The following DHX16 variants were observed in gnomAD, a reference collection of about 807,000 sequenced individuals.
DHX16 encodes the protein DEAH-box helicase 16, also known as pre-mRNA-splicing factor ATP-dependent RNA helicase DHX16.
A neutral mutation model predicts 131.2 loss-of-function variants in DHX16; 81 were observed. The observed-to-expected ratio is 0.62, with a 90% confidence interval of 0.52 to 0.74. The LOEUF (loss-of-function observed/expected upper bound fraction) is 0.74. DHX16 is among the 30% of genes least tolerant of loss of function. DHX16 has a pLI of 0.00. For missense variants in DHX16, 980 were observed against 1,363.1 expected, an observed-to-expected ratio of 0.72 and a Z score of 4.43; for synonymous variants, 440 against 520.2, an observed-to-expected ratio of 0.85 and a Z score of 2.10.
At position 30,671,200 on chromosome 6, in the gene DHX16, GTTCTTC is replaced by G; in HGVS notation, c.276_281del (p.Glu92_Asn94delinsAsp). 6.2e-7 allele frequency: 1 copy of G among 1,612,954 alleles called. No homozygotes were observed. Among genetic ancestry groups the G allele is most frequent in the Non-Finnish European group, 8.5e-7 (1 of 1,180,010 alleles). On this transcript the variant is annotated inframe_deletion, in exon 2 of 20. Transcript: ENST00000376442. The stretch of plus-strand genomic sequence containing the variant: ...TGTCTTCCAGTAACCTATAAGATCG[GTTCTTC>G]TCCAGCAGGGCCCGGGCCTCTCGCT...
In DHX16 at chr6:30,665,278, C is replaced by G. The variant is rs145506836; in HGVS notation, c.922-4G>C. ...CTAGATCCACAGCTCGGGCTGGCTACAGAGAGAGGGGATATGTGAAGACTC... is the reference window on the plus strand; with the variant it reads ...CTAGATCCACAGCTCGGGCTGGCTAGAGAGAGAGGGGATATGTGAAGACTC... On this transcript the variant is annotated splice_polypyrimidine_tract_variant and splice_region_variant and intron_variant, in intron 5 of 19. Coordinates refer to ENST00000376442, the MANE Select transcript of DHX16 (RefSeq NM_003587.5). The surrounding 1 kb of genome is among the most constrained non-coding windows in gnomAD (Gnocchi z 4.8). The G allele has an allele frequency of 3.7e-6, 6 of 1,601,668 alleles. No individual in the cohort carries two copies. Among genetic ancestry groups the G allele is most frequent in the East Asian group, 2.2e-5 (1 of 44,862 alleles).
chr6:30,655,621 G>A lies in DHX16; in HGVS notation c.2499-24C>T, dbSNP rs953731909. 4 of 1,612,638 alleles carry A rather than the reference G, an allele frequency of 2.5e-6. No individual in the cohort carries two copies. The African/African-American group carries it at 4.0e-5, about 16-fold the overall frequency. On this transcript the variant is annotated intron_variant, in intron 16 of 19. Transcript: ENST00000376442. ...ACCTGGGACAGGAAGGGGAAAGCATGAGTTCAAAGCAAGACACATAGGAAC... is the reference window on the plus strand; with the variant it reads ...ACCTGGGACAGGAAGGGGAAAGCATAAGTTCAAAGCAAGACACATAGGAAC...
intron 4 of DHX16, among the ~76,000 whole-genome samples, chr6:30,669,622 T>C (rs763956856): frequency 1.3e-5 from 2 of 150,218 alleles, no homozygotes; most frequent in Non-Finnish European, 3.0e-5. Context: ...CCAGGCGTGG[T>C]GGTGTGCGCC....
At chr6:30,659,984 C>A in intron 10 of DHX16, 48 bp downstream of exon 10, 1 of 1,596,378 alleles carries the variant, frequency 6.3e-7, no homozygotes, top group Non-Finnish European at 8.6e-7. Context: ...CTCCAAAGGC[C>A]TCAGCTTTTC....
At position 30,664,726 on chromosome 6, in the gene DHX16, G is replaced by C. The variant is rs1468280127; in HGVS notation, c.1317+75C>G. On this transcript the variant is annotated intron_variant, in intron 7 of 19. Coordinates refer to ENST00000376442, the MANE Select transcript of DHX16 (RefSeq NM_003587.5). ...GGTAAGTGACTACTAAAAATATAAT[G>C]TAAAAGGAGCTCTGACAGGAATGAG... 2.2e-6 allele frequency: 3 copies of C among 1,351,692 alleles called. No homozygotes were observed. In the Admixed American group the frequency reaches 6.4e-5, roughly 29 times the overall value. 83.7% of individuals were successfully genotyped at this position (1,351,692 alleles called of 1,614,324 possible).
At chr6:30,663,612 T>G (rs929602923) in intron 7 of DHX16, among the ~76,000 whole-genome samples, 11 of 151,454 alleles carry the variant, frequency 7.3e-5, no homozygotes, top group African/African-American at 2.7e-4. Flanking sequence ...TTCCAGCTAC[T>G]TGGGAGGCTG....
chr6:30,659,313 A>G (rs1044991633), intron 12 of DHX16, among the ~76,000 whole-genome samples, 159 bp downstream of exon 12: 1 of 152,206 alleles, frequency 6.6e-6, no homozygotes, highest in Non-Finnish European at 1.5e-5. Flanking sequence ...GGTTCACACC[A>G]TATTTCTCCT....
chr6:30,655,345 A>G lies in DHX16; in HGVS notation c.2662-9T>C, dbSNP rs751738827. ...TAACCACTCTCAGCCCACTGGGAAG[A>G]CAGTTAAAAAGAAAGGAGAGATAAT... On this transcript the variant is annotated splice_polypyrimidine_tract_variant and intron_variant, in intron 17 of 19. Transcript: ENST00000376442. The G allele has an allele frequency of 7.4e-6, 12 of 1,614,036 alleles. No homozygotes were observed. Among genetic ancestry groups the G allele is most frequent in the Non-Finnish European group, 9.3e-6 (11 of 1,179,876 alleles).
chr6:30,659,059 G>A, intron 12 of DHX16, among the ~76,000 whole-genome samples: 1 of 152,032 alleles, frequency 6.6e-6, no homozygotes, highest in East Asian at 1.9e-4. Context: ...GCTGATTTTT[G>A]TATTTTCAGT....
At position 30,672,901 on chromosome 6, in the gene DHX16, G is replaced by A. The variant is rs1769717670; in HGVS notation, c.-60C>T. 5.0e-6 allele frequency: 8 copies of A among 1,600,266 alleles called. No homozygotes were observed. In the South Asian group the frequency reaches 6.7e-5, roughly 13 times the overall value. ...GTCGGGCAGCCGCGCTCACTGCTGG[G>A]CCGGTCAGAGGCCTGGAGCCCTCGG... On this transcript the variant is annotated 5_prime_UTR_variant, in exon 1 of 20. Transcript: ENST00000376442.
Position 30,672,805 on chromosome 6 carries a change from C to T in DHX16, c.37G>A (p.Asp13Asn). 2.5e-6 allele frequency: 4 copies of T among 1,613,012 alleles called. No individual in the cohort carries two copies. Among genetic ancestry groups the T allele is most frequent in the Non-Finnish European group, 3.4e-6 (4 of 1,180,016 alleles). Residue 13 changes from aspartate to asparagine, a missense_variant, in exon 1 of 20, where the codon GAC (aspartate) becomes AAC (asparagine). Physicochemically the swap from Asp to Asn is conservative, Grantham distance 23. Around this residue, in one of 3 missense-constraint regions of DHX16, gnomAD observed 457 missense variants for 554.8 expected, o/e 0.82. Transcript: ENST00000376442. ...AGCCCCAACACCGAGTGCAGCTCGTCCTGAACCCAGCGCTCCAGACCCGCC... is the reference window on the plus strand; with the variant it reads ...AGCCCCAACACCGAGTGCAGCTCGTTCTGAACCCAGCGCTCCAGACCCGCC... ...TPAGLERWVQ[D>N]ELHSVLGLSE...
intron 18 of DHX16, 87 bp from the exon 19 acceptor site, chr6:30,654,966 A>G: frequency 6.8e-7 from 1 of 1,463,816 alleles, no homozygotes. Flanking sequence ...TTCAGGCTTC[A>G]GGAAAACTAG....
chr6:30,671,307 G>T, intron 1 of DHX16, 33 bp from the exon 2 acceptor site: 2 of 1,584,736 alleles, frequency 1.3e-6, no homozygotes, highest in Non-Finnish European at 8.6e-7. Context: ...GGAGGTCTGA[G>T]CAACTCCTGA....
chr6:30,655,317 G>C lies in DHX16; in HGVS notation c.2681C>G (p.Ser894Cys), dbSNP rs1361099321. The C allele has an allele frequency of 6.2e-7, 1 of 1,614,044 alleles. No homozygotes were observed. The change falls in exon 18 of 20, where the codon TCT (serine) becomes TGT (cysteine). Residue 894 changes from serine to cysteine, a missense_variant. Ser to Cys is a moderately radical substitution (Grantham distance 112). Around this residue, in one of 3 missense-constraint regions of DHX16, gnomAD observed 214 missense variants for 271.2 expected, o/e 0.79. Transcript: ENST00000376442. ...VYTQWAESGYSSQWCYENFVQ... is the reference protein window; with the variant it reads ...VYTQWAESGYCSQWCYENFVQ... ...AAAGTTCTCATAGCACCACTGGGAA[G>C]AGTAACCACTCTCAGCCCACTGGGA...
chr6:30,658,558 AAAAT>A (rs1354295799), intron 12 of DHX16, among the ~76,000 whole-genome samples: 12 of 151,024 alleles, frequency 7.9e-5, no homozygotes, highest in Admixed American at 7.9e-4. Context: ...AAAAAAAAAA[AAAAT>A]TAGCTTGGGG....
chr6:30,665,341 CA>C lies in DHX16; in HGVS notation c.922-68del. 1 of 1,590,824 alleles carries C rather than the reference CA, an allele frequency of 6.3e-7. No homozygotes were observed. The highest frequency in any genetic ancestry group is 8.5e-7 in the Non-Finnish European group (1 of 1,170,744). On this transcript the variant is annotated intron_variant, in intron 5 of 19. Coordinates refer to ENST00000376442, the MANE Select transcript of DHX16 (RefSeq NM_003587.5). This position sits in a 1 kb window ranked among gnomAD's most constrained non-coding sequence, Gnocchi z 4.8. ...TCCTCTCTGCCCTCTCCCCTCTTCC[CA>C]TTACTACCCCCGCCCACTGCCCATT...
chr6:30,663,314 C>T (rs777515855), intron 7 of DHX16, among the ~76,000 whole-genome samples: 7 of 152,142 alleles, frequency 4.6e-5, no homozygotes, highest in Non-Finnish European at 7.3e-5. Context: ...GAAGGCTGGG[C>T]ACAGTGGCTC....
chr6:30,672,409 C>T lies in DHX16; in HGVS notation c.207+226G>A, dbSNP rs146676404. ...TGCATTTTAACAAGAACCTTGGATG[C>T]ATGTTAAGAGTTCGAGAAACACCGT... On this transcript the variant is annotated intron_variant, in intron 1 of 19. Transcript: ENST00000376442. 2.6e-3 allele frequency among the ~76,000 whole-genome samples: 397 copies of T among 152,192 alleles called. 1 individual carries two copies. Among genetic ancestry groups the T allele is most frequent in the Non-Finnish European group, 4.0e-3 (274 of 68,006 alleles).
chr6:30,667,495 T>G (rs904490817), intron 4 of DHX16, among the ~76,000 whole-genome samples: 4 of 148,188 alleles, frequency 2.7e-5, no homozygotes, highest in Non-Finnish European at 4.4e-5. Flanking sequence ...GGCAGGAGAA[T>G]GGCATGAACC....
Sources: allele counts gnomAD v4.1 joint callset (sites outside exome capture counted in the v4.1 genomes callset), GRCh38; gene constraint gnomAD v4.1.1; regional missense constraint gnomAD v4.1.1; non-coding constraint Gnocchi (gnomAD v3.1); transcripts MANE v1.5; gene names NCBI Gene and HGNC (gene_info 2026-07-23, HGNC 2026-07-21).